The following MLLT1 variants were observed in gnomAD, a reference collection of about 807,000 sequenced individuals.
MLLT1 encodes MLLT1 super elongation complex subunit.
A neutral mutation model predicts 55.1 loss-of-function variants in MLLT1; 11 were observed. The observed-to-expected ratio is 0.20, with a 90% CI of 0.13 to 0.33. The LOEUF is 0.33. MLLT1 is among the 10% of genes least tolerant of loss of function. The probability of loss-of-function intolerance (pLI) is 1.00; values close to 1 mark genes in which losing one functional copy is unlikely to be tolerated. For missense variants in MLLT1, 536 were observed against 760.6 expected, an observed-to-expected ratio of 0.70 and a Z score of 3.47; for synonymous variants, 323 against 320.1, an observed-to-expected ratio of 1.01 and a Z score of -0.10.
intron 3 of MLLT1, among the ~76,000 whole-genome samples, chr19:6,233,788 C>G (rs1176797396): frequency 2.0e-5 from 3 of 152,138 alleles, no homozygotes; most frequent in Non-Finnish European, 4.4e-5. Flanking sequence ...TGAATGTATC[C>G]CTAACCGACA....
At position 6,211,895 on chromosome 19, in the gene MLLT1, G is replaced by A. The variant is rs1008461503; in HGVS notation, c.*1147C>T. 1 of 1,064,610 alleles carries A rather than the reference G, an allele frequency of 9.4e-7. No homozygotes were observed. The highest frequency in any genetic ancestry group is 1.1e-6 in the Non-Finnish European group (1 of 878,812). The allele number at this position is 1,064,610 out of a possible 1,614,324, so 65.9% of individuals were successfully genotyped here. On this transcript the variant is annotated 3_prime_UTR_variant, in exon 12 of 12. Transcript: ENST00000252674. The surrounding 1 kb of genome is among the most constrained non-coding windows in gnomAD (Gnocchi z 4.6). ...CACCAGCATGAATTGCGGCGGTGGA[G>A]GCCGGGGCGGGCCAGGCCGCGACCA... is the stretch of plus-strand genomic sequence containing the variant.
At chr19:6,215,982 C>T (rs1330930553) in intron 8 of MLLT1, among the ~76,000 whole-genome samples, 2 of 152,174 alleles carry the variant, frequency 1.3e-5, no homozygotes, top group African/African-American at 4.8e-5. Flanking sequence ...TGCCCCAGGA[C>T]GGGCTCTCCA....
At chr19:6,247,117 T>C (rs540077101) in intron 3 of MLLT1, among the ~76,000 whole-genome samples, 3 of 151,742 alleles carry the variant, frequency 2.0e-5, no homozygotes, top group African/African-American at 7.3e-5. Context: ...CTGGATGGAG[T>C]TGGCAGCCTC....
chr19:6,212,830 C>A lies in MLLT1; in HGVS notation c.*212G>T. ...CCCAGAGAGCCCGGGGGGCGGCTCC[C>A]GTGTGGCCCAGCCCGGCCCCAGGGC... On this transcript the variant is annotated 3_prime_UTR_variant, in exon 12 of 12. Coordinates refer to ENST00000252674, the MANE Select transcript of MLLT1 (RefSeq NM_005934.4). 1.1e-6 allele frequency: 1 copy of A among 904,538 alleles called. No homozygotes were observed. The highest frequency in any genetic ancestry group is 1.6e-6 in the Non-Finnish European group (1 of 644,872). 56.0% of individuals were successfully genotyped at this position (904,538 alleles called of 1,614,324 possible).
intron 3 of MLLT1, among the ~76,000 whole-genome samples, chr19:6,234,466 C>T (rs2091041457): frequency 6.6e-6 from 1 of 152,230 alleles, no homozygotes; most frequent in South Asian, 2.1e-4. Context: ...GGGAGGAGAG[C>T]TCTTGTCCTG....
chr19:6,232,852 T>C (rs1242679203), intron 3 of MLLT1, among the ~76,000 whole-genome samples: 2 of 152,182 alleles, frequency 1.3e-5, no homozygotes, highest in African/African-American at 2.4e-5. Flanking sequence ...AATTTTATGG[T>C]AGGTGAATCA....
At chr19:6,218,736 C>T (rs1046980976) in intron 6 of MLLT1, among the ~76,000 whole-genome samples, 1 of 152,300 alleles carries the variant, frequency 6.6e-6, no homozygotes, top group South Asian at 2.1e-4. Context: ...GCAGGGCAGG[C>T]GTGTATGGGG....
chr19:6,279,415 G>A (rs1452397843), intron 1 of MLLT1, among the ~76,000 whole-genome samples: 1 of 152,114 alleles, frequency 6.6e-6, no homozygotes, highest in Admixed American at 6.5e-5. Flanking sequence ...CCCGAGAGCT[G>A]TCTTGAGGTC....
In MLLT1 at chr19:6,219,794, A is replaced by C. The variant is rs1371636840; in HGVS notation, c.1111-1753T>G. Among the ~76,000 whole-genome samples, 1 of 152,240 alleles carries C rather than the reference A, an allele frequency of 6.6e-6. No individual in the cohort carries two copies. Among genetic ancestry groups the C allele is most frequent in the Non-Finnish European group, 1.5e-5 (1 of 68,044 alleles). On this transcript the variant is annotated intron_variant, in intron 6 of 11. Transcript: ENST00000252674. This position sits in a 1 kb window ranked among gnomAD's most constrained non-coding sequence, Gnocchi z 4.5. ...GCACAAGGTCAGCAGGGATGGAAGC[A>C]GAGAGGATGCTGAGCCCCGAGAGGC...
chr19:6,255,089 C>T (rs1384645854), intron 3 of MLLT1, among the ~76,000 whole-genome samples: 3 of 152,032 alleles, frequency 2.0e-5, no homozygotes, highest in East Asian at 3.9e-4. Context: ...AGGAGGTCTA[C>T]AGGAAAAACA....
intron 2 of MLLT1, among the ~76,000 whole-genome samples, chr19:6,267,190 A>C (rs1254613234): frequency 6.6e-6 from 1 of 151,748 alleles, no homozygotes; most frequent in Non-Finnish European, 1.5e-5. Flanking sequence ...CAACCTCTGC[A>C]TCCTGGGTTC....
At chr19:6,250,984 C>T (rs1265296430) in intron 3 of MLLT1, among the ~76,000 whole-genome samples, 3 of 152,074 alleles carry the variant, frequency 2.0e-5, no homozygotes, top group East Asian at 1.9e-4. Flanking sequence ...AGGAAAGAAG[C>T]GAGACACAAA....
chr19:6,251,665 C>T (rs948987576), intron 3 of MLLT1, among the ~76,000 whole-genome samples: 8 of 152,098 alleles, frequency 5.3e-5, no homozygotes, highest in African/African-American at 1.4e-4. Flanking sequence ...TGGCTCATGC[C>T]TATAATCCCA....
chr19:6,261,505 A>C (rs1568294750), intron 3 of MLLT1, among the ~76,000 whole-genome samples: 1 of 152,128 alleles, frequency 6.6e-6, no homozygotes, highest in Non-Finnish European at 1.5e-5. Context: ...CGTTGCCTCC[A>C]TGCCGGGCCA....
Position 6,222,388 on chromosome 19 carries a change from C to A in MLLT1, c.843G>T (p.Arg281=). 1 of 915,172 alleles carries A rather than the reference C, an allele frequency of 1.1e-6. No individual in the cohort carries two copies. Among genetic ancestry groups the A allele is most frequent in the Admixed American group, 7.2e-5 (1 of 13,894 alleles). 56.7% of individuals were successfully genotyped at this position (915,172 alleles called of 1,614,324 possible). The change falls in exon 6 of 12, where the codon CGG becomes CGT. Residue 281 remains arginine, a synonymous_variant. Coordinates refer to ENST00000252674, the MANE Select transcript of MLLT1 (RefSeq NM_005934.4). This position sits in a 1 kb window ranked among gnomAD's most constrained non-coding sequence, Gnocchi z 4.1. ...CGGTGGCCGGCCGCTTGCTGGAAGCCCGGGGTGGGGGTGGGGGTGGGGGTG... is the reference window on the plus strand; with the variant it reads ...CGGTGGCCGGCCGCTTGCTGGAAGCACGGGGTGGGGGTGGGGGTGGGGGTG... The part of the protein sequence containing the change: ...GPPPPPPPPP[R]ASSKRPATAD...
In MLLT1 at chr19:6,219,795, G is replaced by A. The variant is rs2090877595; in HGVS notation, c.1111-1754C>T. Among the ~76,000 whole-genome samples the A allele has an allele frequency of 6.6e-6, 1 of 152,238 alleles. No individual in the cohort carries two copies. Among genetic ancestry groups the A allele is most frequent in the South Asian group, 2.1e-4 (1 of 4,834 alleles). On this transcript the variant is annotated intron_variant, in intron 6 of 11. Coordinates refer to ENST00000252674, the MANE Select transcript of MLLT1 (RefSeq NM_005934.4). This position sits in a 1 kb window ranked among gnomAD's most constrained non-coding sequence, Gnocchi z 4.5. ...CACAAGGTCAGCAGGGATGGAAGCA[G>A]AGAGGATGCTGAGCCCCGAGAGGCC...
Position 6,210,652 on chromosome 19 carries a change from A to G in MLLT1, c.*2390T>C, listed in dbSNP as rs937632095. ...GTCGGTTTACATTTTTGTTCAGGAGAGAGCAAAACACAGAGATTTGCACTG... is the reference window on the plus strand; with the variant it reads ...GTCGGTTTACATTTTTGTTCAGGAGGGAGCAAAACACAGAGATTTGCACTG... On this transcript the variant is annotated 3_prime_UTR_variant, in exon 12 of 12. Coordinates refer to ENST00000252674, the MANE Select transcript of MLLT1 (RefSeq NM_005934.4). This position sits in a 1 kb window ranked among gnomAD's most constrained non-coding sequence, Gnocchi z 4.6. 4 of 228,530 alleles carry G rather than the reference A, an allele frequency of 1.8e-5. No homozygotes were observed. Among genetic ancestry groups the G allele is most frequent in the Admixed American group, 1.1e-4 (2 of 17,618 alleles). The allele number at this position is 228,530 out of a possible 1,614,324, so 14.2% of individuals were successfully genotyped here.
At position 6,230,721 on chromosome 19, in the gene MLLT1, A is replaced by G; in HGVS notation, c.277-8T>C. 1 of 1,613,858 alleles carries G rather than the reference A, an allele frequency of 6.2e-7. No individual in the cohort carries two copies. Among genetic ancestry groups the G allele is most frequent in the Non-Finnish European group, 8.5e-7 (1 of 1,179,932 alleles). ...GACCTTCCTCGGCTCCTCCTGAAAC[A>G]GAGAAAACAAGAAAGTCTGCATCAG... On this transcript the variant is annotated splice_polypyrimidine_tract_variant and splice_region_variant and intron_variant, in intron 3 of 11. Transcript: ENST00000252674. The surrounding 1 kb of genome is among the most constrained non-coding windows in gnomAD (Gnocchi z 9.0).
chr19:6,276,415 C>T (rs1223373114), intron 1 of MLLT1, among the ~76,000 whole-genome samples: 8 of 152,168 alleles, frequency 5.3e-5, no homozygotes, highest in African/African-American at 1.2e-4. Context: ...AAACTTTCCC[C>T]GCTGAAGAAC....
Sources: gnomAD v4.1 joint callset for allele counts (sites outside exome capture counted in the v4.1 genomes callset) on GRCh38, gnomAD v4.1.1 for gene constraint, Gnocchi (gnomAD v3.1) non-coding constraint, MANE v1.5 for transcripts, NCBI Gene and HGNC (gene_info 2026-07-23, HGNC 2026-07-21) for gene names.